Variants in SLC25A21 observed in about 807,000 individuals in gnomAD.
SLC25A21 encodes solute carrier family 25 member 21, also known as mitochondrial 2-oxodicarboxylate carrier.
SLC25A21 carries 47 observed loss-of-function variants against 43.8 expected under a neutral mutation model. That is an observed-to-expected ratio of 1.07 (90% confidence interval 0.85 to 1.37). The LOEUF is 1.37. Ranked by LOEUF, SLC25A21 falls within the 40% of genes most tolerant of loss-of-function variation. The probability of loss-of-function intolerance (pLI) is 0.00; values close to 1 mark genes in which losing one functional copy is unlikely to be tolerated. For synonymous variants in SLC25A21, 131 were observed against 121.3 expected (o/e 1.08, Z -0.52); for missense variants, 352 against 350.2 (o/e 1.00, Z -0.04).
At chr14:36,910,505 TG>T (rs1891659304) in intron 1 of SLC25A21, among the ~76,000 whole-genome samples, 1 of 152,076 alleles carries the variant, frequency 6.6e-6, no homozygotes, top group Admixed American at 6.6e-5. Context: ...AACATTAGCT[TG>T]GATGAGAAAA....
intron 3 of SLC25A21, chr14:36,807,114 A>G (rs1424446493): frequency 6.6e-6 from 1 of 152,312 alleles, no homozygotes; most frequent in Non-Finnish European, 1.5e-5. Flanking sequence ...CAGGCTTACA[A>G]ACTCAATCAA....
intron 1 of SLC25A21, among the ~76,000 whole-genome samples, chr14:36,917,473 C>T (rs991945196): frequency 6.6e-6 from 1 of 152,112 alleles, no homozygotes; most frequent in Non-Finnish European, 1.5e-5. Context: ...TTGTATATAT[C>T]TGTGCCCTTT....
At chr14:37,148,592 C>G (rs1248110920) in intron 1 of SLC25A21, among the ~76,000 whole-genome samples, 1 of 152,142 alleles carries the variant, frequency 6.6e-6, no homozygotes, top group East Asian at 1.9e-4. Flanking sequence ...TATATGGTTA[C>G]ATGGGGATAT....
At chr14:36,896,272 T>C (rs1257699718) in intron 1 of SLC25A21, among the ~76,000 whole-genome samples, 3 of 152,228 alleles carry the variant, frequency 2.0e-5, no homozygotes, top group Non-Finnish European at 4.4e-5. Context: ...TCTTGTTGAA[T>C]TGATCCCTTT....
In SLC25A21 at chr14:37,108,973, C is replaced by T. The variant is rs570622019; in HGVS notation, c.70+63308G>A. On this transcript the variant is annotated intron_variant, in intron 1 of 9. Transcript: ENST00000331299. ...ATTACAACCTGTTACTTTCCTACTC[C>T]TCTTTAATTTATCAGCTCACTAAGT... 5.3e-5 allele frequency among the ~76,000 whole-genome samples: 8 copies of T among 152,148 alleles called. No individual in the cohort carries two copies. The East Asian group carries it at 1.5e-3, about 29-fold the overall frequency.
At chr14:36,915,945 TCA>T (rs1891819229) in intron 1 of SLC25A21, among the ~76,000 whole-genome samples, 1 of 152,066 alleles carries the variant, frequency 6.6e-6, no homozygotes, top group Non-Finnish European at 1.5e-5. Flanking sequence ...TGACCACAAG[TCA>T]CACACTGGAA....
chr14:37,142,952 T>C (rs1022069424), intron 1 of SLC25A21, among the ~76,000 whole-genome samples: 13 of 152,206 alleles, frequency 8.5e-5, no homozygotes, highest in Admixed American at 2.6e-4. Flanking sequence ...TCTAAGTCTG[T>C]CTGCAAACTG....
chr14:36,846,853 A>G (rs989929792), intron 2 of SLC25A21, among the ~76,000 whole-genome samples: 14 of 152,324 alleles, frequency 9.2e-5, no homozygotes, highest in African/African-American at 2.9e-4. Context: ...TGAACAACAA[A>G]CAAGCAGGCA....
At chr14:37,139,217 A>G (rs1963531857) in intron 1 of SLC25A21, among the ~76,000 whole-genome samples, 1 of 152,080 alleles carries the variant, frequency 6.6e-6, no homozygotes, top group African/African-American at 2.4e-5. Context: ...TGTCTCCAAT[A>G]TATCACTGGG....
At chr14:36,866,757 A>T (rs1454363428) in intron 2 of SLC25A21, among the ~76,000 whole-genome samples, 4 of 152,180 alleles carry the variant, frequency 2.6e-5, no homozygotes, top group African/African-American at 9.6e-5. Context: ...GGAGCATTTG[A>T]AATGTGGCTT....
At chr14:36,941,701 G>C (rs1892562126) in intron 1 of SLC25A21, among the ~76,000 whole-genome samples, 1 of 151,388 alleles carries the variant, frequency 6.6e-6, no homozygotes, top group African/African-American at 2.4e-5. Context: ...CTTCATTAAT[G>C]GTCAAAATAT....
chr14:36,878,617 AT>A (rs1229020660), intron 1 of SLC25A21, among the ~76,000 whole-genome samples: 2 of 152,212 alleles, frequency 1.3e-5, no homozygotes, highest in Non-Finnish European at 2.9e-5. Flanking sequence ...CCATGTGCTT[AT>A]TGACAATTCT....
chr14:36,848,280 CT>C (rs1322936502), intron 2 of SLC25A21, among the ~76,000 whole-genome samples: 1 of 152,190 alleles, frequency 6.6e-6, no homozygotes, highest in African/African-American at 2.4e-5. Flanking sequence ...TACTTAGGGA[CT>C]TTCCAATGGG....
At chr14:36,835,389 C>T (rs1009391899) in intron 2 of SLC25A21, among the ~76,000 whole-genome samples, 16 of 152,138 alleles carry the variant, frequency 1.1e-4, no homozygotes, top group African/African-American at 2.9e-4. Context: ...CAATAGGACA[C>T]GAGATAAGAT....
intron 1 of SLC25A21, among the ~76,000 whole-genome samples, chr14:36,988,236 T>C (rs768689535): frequency 2.9e-4 from 44 of 152,214 alleles, no homozygotes; most frequent in Non-Finnish European, 4.4e-4. Context: ...TTAATGCCTA[T>C]CTTGCTGCAG....
intron 3 of SLC25A21, among the ~76,000 whole-genome samples, chr14:36,809,643 C>A (rs1888164158): frequency 6.6e-6 from 1 of 152,088 alleles, no homozygotes; most frequent in Non-Finnish European, 1.5e-5. Flanking sequence ...GTGGAGAGAA[C>A]CATTTCATTT....
chr14:36,917,366 T>G (rs1891858985), intron 1 of SLC25A21, among the ~76,000 whole-genome samples: 1 of 152,134 alleles, frequency 6.6e-6, no homozygotes, highest in Non-Finnish European at 1.5e-5. Flanking sequence ...GAAATGGCCA[T>G]GTTTCTTATC....
chr14:37,169,561 T>G (rs1438336692), intron 1 of SLC25A21, among the ~76,000 whole-genome samples: 1 of 132,002 alleles, frequency 7.6e-6, no homozygotes, highest in Admixed American at 8.4e-5. Context: ...ATCTTTGGCC[T>G]TTACAAACAA....
chr14:37,100,549 A>C (rs900167662), intron 1 of SLC25A21, among the ~76,000 whole-genome samples: 6 of 152,242 alleles, frequency 3.9e-5, no homozygotes, highest in South Asian at 2.1e-4. Context: ...CTGAGGTAGA[A>C]ATGTAATTCA....
Sources: allele counts gnomAD v4.1 joint callset (sites outside exome capture counted in the v4.1 genomes callset), GRCh38; gene constraint gnomAD v4.1.1; transcripts MANE v1.5; gene names NCBI Gene and HGNC (gene_info 2026-07-23, HGNC 2026-07-21).